CHRM3: variants seen among roughly 807,000 people sequenced by gnomAD.
CHRM3 encodes cholinergic receptor muscarinic 3.
Under a neutral mutation model 41.8 loss-of-function variants are expected in CHRM3, and 11 were observed. The ratio of observed to expected loss-of-function variants is 0.26; its 90% CI spans 0.17 to 0.44. The LOEUF (loss-of-function observed/expected upper bound fraction) is 0.44, where lower values mean the gene tolerates loss of function less well. CHRM3 is among the 20% of genes least tolerant of loss of function. The pLI, the probability that CHRM3 is intolerant of heterozygous loss-of-function variation, is 1.00. For synonymous variants in CHRM3, 297 were observed against 301.4 expected (o/e 0.99, Z 0.15); for missense variants, 571 against 745.4 (o/e 0.77, Z 2.72).
At chr1:239,599,815 A>G (rs957816918) in intron 3 of CHRM3, among the ~76,000 whole-genome samples, 13 of 152,186 alleles carry the variant, frequency 8.5e-5, no homozygotes, top group African/African-American at 3.1e-4. Context: ...ATTGAATACC[A>G]TACTGAAAGT....
chr1:239,484,003 C>A (rs1003621972), intron 1 of CHRM3, among the ~76,000 whole-genome samples: 1 of 152,134 alleles, frequency 6.6e-6, no homozygotes, highest in Non-Finnish European at 1.5e-5. Flanking sequence ...ATGCTATTAA[C>A]GAAGTAAGTG....
rs1178459490 is a variant in CHRM3 at position 239,914,708 on chromosome 1, TG to T, written c.*5486del. ...TACTTGCCTTAGTAAAAGAAGTATC[TG>T]GAGGGCCTGGAGAGTTCATAAACAT... On this transcript the variant is annotated 3_prime_UTR_variant, in exon 7 of 7. Transcript: ENST00000676153. The T allele has an allele frequency of 6.0e-6, 1 of 167,066 alleles. No homozygotes were observed. Among genetic ancestry groups the T allele is most frequent in the Non-Finnish European group, 1.5e-5 (1 of 68,120 alleles). The allele number at this position is 167,066 out of a possible 1,614,324, so 10.3% of individuals were successfully genotyped here. A position where few individuals can be genotyped will look rare whatever the true frequency, so the allele number is the denominator to read the frequency against.
intron 5 of CHRM3, among the ~76,000 whole-genome samples, chr1:239,730,124 G>A (rs1332805654): frequency 1.3e-5 from 2 of 151,850 alleles, no homozygotes; most frequent in Non-Finnish European, 2.9e-5. Context: ...AATATAGCCA[G>A]TTTTCAACAA....
chr1:239,567,421 C>T (rs1001677304), intron 3 of CHRM3, among the ~76,000 whole-genome samples: 6 of 152,060 alleles, frequency 3.9e-5, no homozygotes, highest in African/African-American at 1.4e-4. Flanking sequence ...TTTTCTTTCT[C>T]AATATGCTGA....
At chr1:239,873,877 C>G (rs1357774302) in intron 6 of CHRM3, among the ~76,000 whole-genome samples, 1 of 152,154 alleles carries the variant, frequency 6.6e-6, no homozygotes, top group Non-Finnish European at 1.5e-5. Flanking sequence ...GAAGTCCCCC[C>G]TCTCCTCCTA....
At chr1:239,699,111 A>G (rs7513746) in intron 5 of CHRM3, among the ~76,000 whole-genome samples, 51,798 of 151,984 alleles carry the variant, frequency 0.34, 10,492 homozygotes, top group Middle Eastern at 0.5. Flanking sequence ...TTTTCTCACC[A>G]TGATTTTAAT....
At chr1:239,816,615 A>G (rs1287999961) in intron 5 of CHRM3, among the ~76,000 whole-genome samples, 1 of 152,116 alleles carries the variant, frequency 6.6e-6, no homozygotes. Context: ...TTCTTCAGGA[A>G]GCCACTGGGC....
intron 5 of CHRM3, among the ~76,000 whole-genome samples, chr1:239,752,775 A>G (rs1002349924): frequency 4.6e-5 from 7 of 152,204 alleles, no homozygotes; most frequent in Non-Finnish European, 1.0e-4. Flanking sequence ...AAATTCTGAA[A>G]TTACTCTGAA....
rs749618316 is a variant in CHRM3 at position 239,654,500 on chromosome 1, G to C, written c.-250+22214G>C. ...TGCAAACTTCGCCTCCTGGGTTCAA[G>C]TGATTCTTCTGCCTCAGCCTCCCGA... On this transcript the variant is annotated intron_variant, in intron 4 of 6. Transcript: ENST00000676153. 2.4e-4 allele frequency among the ~76,000 whole-genome samples: 37 copies of C among 152,338 alleles called. 1 individual carries two copies. Among genetic ancestry groups the C allele is most frequent in the African/African-American group, 8.4e-4 (35 of 41,582 alleles).
At chr1:239,688,597 A>G (rs1002451068) in intron 5 of CHRM3, among the ~76,000 whole-genome samples, 1 of 134,644 alleles carries the variant, frequency 7.4e-6, no homozygotes, top group Non-Finnish European at 1.5e-5. Context: ...ATATAATATA[A>G]TATATTATAC....
intron 6 of CHRM3, among the ~76,000 whole-genome samples, chr1:239,870,175 A>G (rs1436035583): frequency 6.6e-6 from 1 of 152,170 alleles, no homozygotes. Flanking sequence ...TTATCTAAAG[A>G]GGGAAAGAAT....
intron 3 of CHRM3, among the ~76,000 whole-genome samples, chr1:239,612,262 A>G (rs1401963559): frequency 6.6e-6 from 1 of 152,234 alleles, no homozygotes; most frequent in African/African-American, 2.4e-5. Flanking sequence ...TAATTAATAT[A>G]TCACAAGACA....
chr1:239,487,996 T>A (rs1411255730), intron 1 of CHRM3, among the ~76,000 whole-genome samples: 1 of 152,004 alleles, frequency 6.6e-6, no homozygotes, highest in Admixed American at 6.6e-5. Flanking sequence ...TAAAACTCAA[T>A]CACATGACTC....
chr1:239,502,527 C>T (rs2148140768), intron 2 of CHRM3, among the ~76,000 whole-genome samples: 1 of 152,272 alleles, frequency 6.6e-6, no homozygotes, highest in Non-Finnish European at 1.5e-5. Flanking sequence ...TGGTACCAAT[C>T]CTTTTGATAC....
At chr1:239,664,551 G>T (rs1414972251) in intron 4 of CHRM3, among the ~76,000 whole-genome samples, 1 of 152,064 alleles carries the variant, frequency 6.6e-6, no homozygotes, top group Non-Finnish European at 1.5e-5. Flanking sequence ...CTCATCTTGA[G>T]AATCTCTCCT....
chr1:239,463,262 G>A (rs1665489312), intron 1 of CHRM3, among the ~76,000 whole-genome samples: 1 of 152,130 alleles, frequency 6.6e-6, no homozygotes, highest in African/African-American at 2.4e-5. Flanking sequence ...TCAAACCAAG[G>A]TCAGAATTTT....
chr1:239,706,981 TATAAA>T (rs1299330387), intron 5 of CHRM3: 1 of 152,190 alleles, frequency 6.6e-6, no homozygotes, highest in East Asian at 1.9e-4. Flanking sequence ...TTTCAACTTT[TATAAA>T]AGAAAAACAA....
intron 3 of CHRM3, among the ~76,000 whole-genome samples, chr1:239,556,386 G>A (rs570840100): frequency 2.9e-4 from 44 of 152,150 alleles, no homozygotes; most frequent in African/African-American, 8.4e-4. Context: ...AAATGATATC[G>A]TCTCATGGTT....
At chr1:239,856,528 C>A (rs767005043) in intron 6 of CHRM3, among the ~76,000 whole-genome samples, 5 of 152,112 alleles carry the variant, frequency 3.3e-5, no homozygotes, top group Non-Finnish European at 7.4e-5. Context: ...TCCAACCATG[C>A]TTCCCGTGCA....
Sources: allele counts gnomAD v4.1 joint callset (sites outside exome capture counted in the v4.1 genomes callset), GRCh38; gene constraint gnomAD v4.1.1; transcripts MANE v1.5; gene names NCBI Gene and HGNC (gene_info 2026-07-23, HGNC 2026-07-21).